Variants in EFEMP1 observed in about 807,000 individuals in gnomAD.
EFEMP1 encodes the protein EGF-containing fibulin-like extracellular matrix protein 1.
In EFEMP1, 18 loss-of-function variants were observed where a neutral mutation model predicts 65.7. That is an observed-to-expected ratio of 0.27 (90% CI 0.19 to 0.41). The LOEUF (loss-of-function observed/expected upper bound fraction) is 0.41, where lower values mean the gene tolerates loss of function less well. EFEMP1 is among the 10% of genes least tolerant of loss of function. The probability of loss-of-function intolerance (pLI) is 1.00; values close to 1 mark genes in which losing one functional copy is unlikely to be tolerated. For synonymous variants in EFEMP1, 237 were observed against 219.7 expected (o/e 1.08, Z -0.70); for missense variants, 469 against 624.8 (o/e 0.75, Z 2.66).
rs1185912886 is a variant in EFEMP1 at position 55,876,749 on chromosome 2, A to G, written c.761-7T>C. Reference sequence around the variant, plus strand: ...GCATCACATTCATTTATATCTGAAAAAAAGTTTTATATATATATATATGTA... The same window carrying G: ...GCATCACATTCATTTATATCTGAAAGAAAGTTTTATATATATATATATGTA... On this transcript the variant is annotated splice_region_variant and splice_polypyrimidine_tract_variant and intron_variant, in intron 7 of 11. Coordinates refer to ENST00000355426, the MANE Select transcript of EFEMP1 (RefSeq NM_001039348.3). 6.3e-7 allele frequency: 1 copy of G among 1,579,942 alleles called. No homozygotes were observed. The highest frequency in any genetic ancestry group is 1.4e-5 in the African/African-American group (1 of 73,674).
rs1668906748 is a variant in EFEMP1, at chr2:55,873,581, A to T, written c.1000+1365T>A. 6.6e-6 allele frequency among the ~76,000 whole-genome samples: 1 copy of T among 152,084 alleles called. No individual in the cohort carries two copies. Among genetic ancestry groups the T allele is most frequent in the Non-Finnish European group, 1.5e-5 (1 of 67,960 alleles). On this transcript the variant is annotated intron_variant, in intron 9 of 11. Transcript: ENST00000355426. This position sits in a 1 kb window ranked among gnomAD's most constrained non-coding sequence, Gnocchi z 4.6. ...TAGCTAACATTTTCTTGCATGTAAT[A>T]TGCATGTTGAAAGTCTCAATTAGGG...
At position 55,870,807 on chromosome 2, in the gene EFEMP1, G is replaced by A. The variant is rs1668777040; in HGVS notation, c.1233C>T (p.Phe411=). 2 of 1,613,848 alleles carry A rather than the reference G, an allele frequency of 1.2e-6. No homozygotes were observed. The highest frequency in any genetic ancestry group is 2.7e-5 in the African/African-American group (2 of 75,022). The change falls in exon 11 of 12, where the codon TTC becomes TTT. Residue 411 remains phenylalanine (F), a synonymous_variant. Transcript: ENST00000355426. The surrounding 1 kb of genome is among the most constrained non-coding windows in gnomAD (Gnocchi z 5.8). The part of the protein sequence containing the change: ...RSDRSVPSDI[F]QIQATTIYAN... ...CATAAATAGTTGTGGCCTGTATCTG[G>A]AAGATGTCTGATGGCACAGACCTAT...
In EFEMP1 at chr2:55,881,747, T is replaced by C. The variant is rs3748959; in HGVS notation, c.518-13A>G. The C allele has an allele frequency of 0.15, 247,007 of 1,613,408 alleles. 22,317 individuals are homozygous for C. The highest frequency in any genetic ancestry group is 0.34 in the South Asian group (30,898 of 91,054). On this transcript the variant is annotated splice_polypyrimidine_tract_variant and intron_variant, in intron 5 of 11. Transcript: ENST00000355426. ...CACTCGTCTATGTCTGTCAGAGACATGCAACACAGAAAGAATTGTCAGTTG... is the reference window on the plus strand; with the variant it reads ...CACTCGTCTATGTCTGTCAGAGACACGCAACACAGAAAGAATTGTCAGTTG...
intron 5 of EFEMP1, among the ~76,000 whole-genome samples, chr2:55,900,409 T>C (rs1031963162): frequency 6.6e-6 from 1 of 152,076 alleles, no homozygotes. Context: ...GGCACCCATT[T>C]ATCCCACAAC....
intron 5 of EFEMP1, among the ~76,000 whole-genome samples, chr2:55,893,868 A>G (rs1419090170): frequency 6.6e-6 from 1 of 152,210 alleles, no homozygotes; most frequent in African/African-American, 2.4e-5. Context: ...CTAACACCCA[A>G]TCAACAGGAG....
Position 55,875,231 on chromosome 2 carries a change from A to C in EFEMP1, c.881-166T>G, listed in dbSNP as rs571162482. Among the ~76,000 whole-genome samples, 942 of 148,346 alleles carry C rather than the reference A, an allele frequency of 6.4e-3. 9 individuals are homozygous for C. The highest frequency in any genetic ancestry group is 0.022 in the African/African-American group (891 of 40,804). ...AAAATTATTTATATTTTAAGGAGGAAAAATTATATCTACCTATATATATAT... is the reference window on the plus strand; with the variant it reads ...AAAATTATTTATATTTTAAGGAGGACAAATTATATCTACCTATATATATAT... On this transcript the variant is annotated intron_variant, in intron 8 of 11. Coordinates refer to ENST00000355426, the MANE Select transcript of EFEMP1 (RefSeq NM_001039348.3).
rs1004926693 is a variant in EFEMP1 at position 55,867,291 on chromosome 2, T to C, written c.1321-57A>G. On this transcript the variant is annotated intron_variant, in intron 11 of 11. Transcript: ENST00000355426. This position sits in a 1 kb window ranked among gnomAD's most constrained non-coding sequence, Gnocchi z 4.3. ...AATAATTTTCTTGGATTGGAGTTTC[T>C]ATGCTTTGTTAGTATACCTCCTATA... is the stretch of plus-strand genomic sequence containing the variant. 1 of 1,570,218 alleles carries C rather than the reference T, an allele frequency of 6.4e-7. No homozygotes were observed. Among genetic ancestry groups the C allele is most frequent in the African/African-American group, 1.4e-5 (1 of 73,630 alleles).
At chr2:55,906,153 C>G (rs1048536363) in intron 5 of EFEMP1, among the ~76,000 whole-genome samples, 1 of 151,976 alleles carries the variant, frequency 6.6e-6, no homozygotes, top group Non-Finnish European at 1.5e-5. Flanking sequence ...GCTTACCCCC[C>G]ACCCTGACCC....
At chr2:55,904,434 TA>T (rs1391061615) in intron 5 of EFEMP1, among the ~76,000 whole-genome samples, 1 of 152,216 alleles carries the variant, frequency 6.6e-6, no homozygotes, top group Non-Finnish European at 1.5e-5. Flanking sequence ...AGATAGCTGT[TA>T]AAATATTATT....
chr2:55,915,535 T>TA (rs1670645689), intron 5 of EFEMP1, among the ~76,000 whole-genome samples: 1 of 152,204 alleles, frequency 6.6e-6, no homozygotes, highest in Admixed American at 6.5e-5. Flanking sequence ...TAGGACCTCT[T>TA]CATTTAGTTC....
rs143361440 is a variant in EFEMP1, at chr2:55,923,750, G to A, written c.-88C>T. On this transcript the variant is annotated 5_prime_UTR_variant, in exon 1 of 12. Transcript: ENST00000355426. The surrounding 1 kb of genome is among the most constrained non-coding windows in gnomAD (Gnocchi z 5.3). ...TGCGCTCCGGGCCCGGGCAGCGAGG[G>A]GAGTGCGCAGGGGAGGGCAGCCCCG... is the stretch of plus-strand genomic sequence containing the variant. 24,622 of 986,042 alleles carry A rather than the reference G, an allele frequency of 0.025. 388 individuals are homozygous for A. The highest frequency in any genetic ancestry group is 0.077 in the South Asian group (1,651 of 21,304). 61.1% of individuals were successfully genotyped at this position (986,042 alleles called of 1,614,324 possible).
chr2:55,918,396 G>T, intron 3 of EFEMP1, 129 bp from the exon 4 acceptor site: 1 of 1,090,880 alleles, frequency 9.2e-7, no homozygotes, highest in Non-Finnish European at 1.4e-6. Flanking sequence ...TATATGATGA[G>T]ATGGGTGGTT....
intron 5 of EFEMP1, among the ~76,000 whole-genome samples, chr2:55,906,814 A>G (rs927344230): frequency 6.6e-6 from 1 of 152,198 alleles, no homozygotes; most frequent in African/African-American, 2.4e-5. Context: ...TCCACCTTAA[A>G]CGATAGTTCA....
intron 5 of EFEMP1, among the ~76,000 whole-genome samples, chr2:55,906,155 C>T (rs1670260401): frequency 1.3e-5 from 2 of 151,944 alleles, no homozygotes; most frequent in South Asian, 4.2e-4. Flanking sequence ...TTACCCCCCA[C>T]CCTGACCCAC....
rs1668814857 is a variant in EFEMP1 at position 55,871,650 on chromosome 2, G to C, written c.1001-527C>G. On this transcript the variant is annotated intron_variant, in intron 9 of 11. Transcript: ENST00000355426. The surrounding 1 kb of genome is among the most constrained non-coding windows in gnomAD (Gnocchi z 4.2). The stretch of plus-strand genomic sequence containing the variant: ...AGTTTTCATGGCTGGGGCAGGGAAG[G>C]CTTTCCAAGCTGAGAAATCAGGAAG... Among the ~76,000 whole-genome samples the C allele has an allele frequency of 6.6e-6, 1 of 152,034 alleles. No homozygotes were observed. Among genetic ancestry groups the C allele is most frequent in the Non-Finnish European group, 1.5e-5 (1 of 67,990 alleles).
chr2:55,922,703 C>G lies in EFEMP1; in HGVS notation c.-8+196G>C. The G allele has an allele frequency of 2.1e-6, 1 of 468,476 alleles. No individual in the cohort carries two copies. The highest frequency in any genetic ancestry group is 3.8e-6 in the Non-Finnish European group (1 of 266,106). 29.0% of individuals were successfully genotyped at this position (468,476 alleles called of 1,614,324 possible). A position where few individuals can be genotyped will look rare whatever the true frequency, so the allele number is the denominator to read the frequency against. ...TCCATCCTGCTACGCTGTTTACATA[C>G]AAAAGACATTCAGCGTGCATTTTAT... On this transcript the variant is annotated intron_variant, in intron 2 of 11. Transcript: ENST00000355426. The surrounding 1 kb of genome is among the most constrained non-coding windows in gnomAD (Gnocchi z 5.5).
In EFEMP1 at chr2:55,870,829, C is replaced by A; in HGVS notation, c.1211G>T (p.Arg404Met). The A allele has an allele frequency of 6.2e-7, 1 of 1,613,770 alleles. No individual in the cohort carries two copies. Among genetic ancestry groups the A allele is most frequent in the South Asian group, 1.1e-5 (1 of 91,064 alleles). The change falls in exon 11 of 12, where the codon AGG (arginine) becomes ATG (methionine). Residue 404 changes from arginine (R) to methionine (M), a missense_variant. By Grantham distance (91) the Arg-to-Met change is moderately conservative (BLOSUM62 -1). Around this residue, in one of 3 missense-constraint regions of EFEMP1, gnomAD observed 399 missense variants for 528.2 expected, o/e 0.76. Coordinates refer to ENST00000355426, the MANE Select transcript of EFEMP1 (RefSeq NM_001039348.3). The surrounding 1 kb of genome is among the most constrained non-coding windows in gnomAD (Gnocchi z 5.8). ...CTGGAAGATGTCTGATGGCACAGAC[C>A]TATCAGATCGGATGCTCATGTATTT... ...VYKYMSIRSD[R>M]SVPSDIFQIQ...
At chr2:55,872,813 A>G (rs1668866533) in intron 9 of EFEMP1, among the ~76,000 whole-genome samples, 1 of 152,022 alleles carries the variant, frequency 6.6e-6, no homozygotes. Context: ...TTATCCTTTC[A>G]GTATTTTCCA....
At position 55,885,998 on chromosome 2, in the gene EFEMP1, A is replaced by G. The variant is rs1669407869; in HGVS notation, c.518-4264T>C. Among the ~76,000 whole-genome samples, 1 of 152,156 alleles carries G rather than the reference A, an allele frequency of 6.6e-6. No homozygotes were observed. The highest frequency in any genetic ancestry group is 2.1e-4 in the South Asian group (1 of 4,834). ...CATGGAGTCCCTTTAGCATGTTTTC[A>G]TGGGCAAAAATTATCTGCACCTTGA... On this transcript the variant is annotated intron_variant, in intron 5 of 11. Transcript: ENST00000355426. This position sits in a 1 kb window ranked among gnomAD's most constrained non-coding sequence, Gnocchi z 4.3.
Sources: gnomAD v4.1 joint callset for allele counts (sites outside exome capture counted in the v4.1 genomes callset) on GRCh38, gnomAD v4.1.1 for gene constraint, gnomAD v4.1.1 regional missense constraint, Gnocchi (gnomAD v3.1) non-coding constraint, MANE v1.5 for transcripts, NCBI Gene and HGNC (gene_info 2026-07-23, HGNC 2026-07-21) for gene names.